Variants in MYO1B observed in about 807,000 individuals in gnomAD.
The protein encoded by MYO1B is unconventional myosin-Ib.
In MYO1B, 72 loss-of-function variants were observed where a neutral mutation model predicts 159.7. That is an observed-to-expected ratio of 0.45 (90% CI 0.37 to 0.55). The LOEUF is 0.55. Among genes scored for constraint, MYO1B ranks in the 20% least tolerant of loss-of-function variants. The probability of loss-of-function intolerance (pLI) is 0.00; values close to 1 mark genes in which losing one functional copy is unlikely to be tolerated. For synonymous variants in MYO1B, 468 were observed against 473.8 expected (o/e 0.99, Z 0.16); for missense variants, 1,062 against 1,364.8 (o/e 0.78, Z 3.50).
intron 4 of MYO1B, among the ~76,000 whole-genome samples, chr2:191,336,817 T>C (rs1691881445): frequency 6.6e-6 from 1 of 152,104 alleles, no homozygotes; most frequent in East Asian, 1.9e-4. Flanking sequence ...GGTCTAGGGC[T>C]CTGAACCACC....
chr2:191,372,594 A>G (rs546185460), intron 13 of MYO1B, among the ~76,000 whole-genome samples: 2 of 152,328 alleles, frequency 1.3e-5, no homozygotes, highest in East Asian at 1.9e-4. Context: ...ATCAGGTAGG[A>G]AAGTCTAATC....
In MYO1B at chr2:191,416,318, A is replaced by G; in HGVS notation, c.3287+76A>G. ...TTTAGTTCAGCTCTCGATCTCATTC[A>G]TTAATACAACTACTTATTAAGTACC... On this transcript the variant is annotated intron_variant, in intron 30 of 30. Coordinates refer to ENST00000392318, the MANE Select transcript of MYO1B (RefSeq NM_001130158.3). 2.6e-6 allele frequency: 4 copies of G among 1,535,992 alleles called. No homozygotes were observed. The East Asian group carries it at 6.7e-5, about 26-fold the overall frequency.
At chr2:191,362,422 T>C (rs972332289) in intron 9 of MYO1B, 51 bp downstream of exon 9, 14 of 1,374,320 alleles carry the variant, frequency 1.0e-5, no homozygotes, top group Non-Finnish European at 1.4e-5. Flanking sequence ...ACTGCATTGC[T>C]CAGCGGGAGC....
chr2:191,248,509 A>C (rs1256736126), intron 1 of MYO1B, among the ~76,000 whole-genome samples: 2 of 152,244 alleles, frequency 1.3e-5, no homozygotes, highest in Non-Finnish European at 2.9e-5. Flanking sequence ...TTGGTTGTTC[A>C]TCCTTGTGAT....
intron 3 of MYO1B, among the ~76,000 whole-genome samples, chr2:191,302,714 T>G (rs1262202200): frequency 6.6e-6 from 1 of 152,222 alleles, no homozygotes; most frequent in East Asian, 1.9e-4. Context: ...GATGGCCATA[T>G]TACCTTAGGC....
At chr2:191,337,980 T>C (rs1691966996) in intron 4 of MYO1B, among the ~76,000 whole-genome samples, 2 of 152,192 alleles carry the variant, frequency 1.3e-5, no homozygotes, top group African/African-American at 4.8e-5. Flanking sequence ...CAAAGTCTCA[T>C]GAGGTAACTA....
At chr2:191,343,713 C>G (rs1337805189) in intron 5 of MYO1B, among the ~76,000 whole-genome samples, 8 of 152,124 alleles carry the variant, frequency 5.3e-5, no homozygotes, top group African/African-American at 1.7e-4. Flanking sequence ...AATGCTGTAG[C>G]CTGCATCTGT....
chr2:191,387,562 T>C lies in MYO1B; in HGVS notation c.1781+112T>C, dbSNP rs141328221. The C allele has an allele frequency of 6.3e-5, 57 of 898,296 alleles. 1 individual carries two copies. In the East Asian group the frequency reaches 1.5e-3, roughly 23 times the overall value. 55.6% of individuals were successfully genotyped at this position (898,296 alleles called of 1,614,324 possible). On this transcript the variant is annotated intron_variant, in intron 17 of 30. Coordinates refer to ENST00000392318, the MANE Select transcript of MYO1B (RefSeq NM_001130158.3). ...TAGCCCAAGCAGAGGGTAACTAAAA[T>C]ACTTACAGATTAAATAATACCTTAT...
intron 7 of MYO1B, among the ~76,000 whole-genome samples, chr2:191,352,804 T>C (rs1466210733): frequency 1.3e-5 from 2 of 152,186 alleles, no homozygotes; most frequent in Non-Finnish European, 2.9e-5. Context: ...AGTTGCTGCC[T>C]TCTGGCAGAA....
intron 3 of MYO1B, among the ~76,000 whole-genome samples, chr2:191,327,872 C>T (rs984091055): frequency 2.0e-5 from 3 of 152,174 alleles, no homozygotes; most frequent in Non-Finnish European, 4.4e-5. Context: ...TCAACAAATG[C>T]ACTTAGAGTA....
intron 7 of MYO1B, 138 bp from the exon 8 acceptor site, chr2:191,360,493 A>G (rs1431067856): frequency 1.7e-6 from 1 of 580,368 alleles, no homozygotes; most frequent in African/African-American, 1.9e-5. Flanking sequence ...CTGAAGCTAG[A>G]ACTGAAAATA....
At chr2:191,369,285 GAAAT>G (rs1205714023) in intron 11 of MYO1B, among the ~76,000 whole-genome samples, 1 of 152,074 alleles carries the variant, frequency 6.6e-6, no homozygotes, top group Non-Finnish European at 1.5e-5. Context: ...CCATAAAATT[GAAAT>G]AAATATCTTT....
In MYO1B at chr2:191,311,047, G is replaced by A. The variant is rs146244574; in HGVS notation, c.251+14821G>A. Among the ~76,000 whole-genome samples, 115 of 152,162 alleles carry A rather than the reference G, an allele frequency of 7.6e-4. 1 individual carries two copies. Among genetic ancestry groups the A allele is most frequent in the East Asian group, 6.4e-3 (33 of 5,178 alleles). On this transcript the variant is annotated intron_variant, in intron 3 of 30. Coordinates refer to ENST00000392318, the MANE Select transcript of MYO1B (RefSeq NM_001130158.3). ...GATTTTAACCTTTATTAACTCTTAC[G>A]AAACCCTTTGAAGCCACCCCCTTAG...
intron 3 of MYO1B, among the ~76,000 whole-genome samples, chr2:191,315,051 A>C (rs1690255142): frequency 6.6e-6 from 1 of 152,166 alleles, no homozygotes; most frequent in Non-Finnish European, 1.5e-5. Flanking sequence ...AAGTGAATGA[A>C]CAAAAATTAT....
chr2:191,314,937 A>G (rs1690247484), intron 3 of MYO1B, among the ~76,000 whole-genome samples: 1 of 152,110 alleles, frequency 6.6e-6, no homozygotes, highest in East Asian at 1.9e-4. Context: ...CAGTGGTGCT[A>G]TATTTTTAAA....
intron 3 of MYO1B, among the ~76,000 whole-genome samples, chr2:191,308,053 G>A (rs974586158): frequency 6.6e-6 from 1 of 152,114 alleles, no homozygotes; most frequent in Non-Finnish European, 1.5e-5. Flanking sequence ...GGGAGGTGGG[G>A]TTGAAAGATT....
intron 19 of MYO1B, 22 bp downstream of exon 19, chr2:191,392,223 A>G: frequency 6.5e-7 from 1 of 1,535,862 alleles, no homozygotes; most frequent in South Asian, 1.2e-5. Flanking sequence ...AAACCTTTAC[A>G]CTCTGAACTT....
chr2:191,312,902 T>A (rs1332020129), intron 3 of MYO1B, among the ~76,000 whole-genome samples: 1 of 152,262 alleles, frequency 6.6e-6, no homozygotes, highest in Non-Finnish European at 1.5e-5. Flanking sequence ...TCAGCTATTC[T>A]GTGCTGCTTA....
In MYO1B at chr2:191,330,159, T is replaced by A. The variant is rs1224773987; in HGVS notation, c.346+130T>A. 1.5e-5 allele frequency: 10 copies of A among 671,634 alleles called. No individual in the cohort carries two copies. In the East Asian group the frequency reaches 2.8e-4, roughly 19 times the overall value. 41.6% of individuals were successfully genotyped at this position (671,634 alleles called of 1,614,324 possible). ...CTGTGAGGGTGCTTCTGCAGGAGGA[T>A]ACTGGTTAGGAACACAGAATGTTCT... On this transcript the variant is annotated intron_variant, in intron 4 of 30. Coordinates refer to ENST00000392318, the MANE Select transcript of MYO1B (RefSeq NM_001130158.3).
Sources: gnomAD v4.1 joint callset for allele counts (sites outside exome capture counted in the v4.1 genomes callset) on GRCh38, gnomAD v4.1.1 for gene constraint, MANE v1.5 for transcripts, NCBI Gene and HGNC (gene_info 2026-07-23, HGNC 2026-07-21) for gene names.